The following RETREG1 variants were observed in gnomAD, a reference collection of about 807,000 sequenced individuals.
The protein encoded by RETREG1 is family with sequence similarity 134 member B.
RETREG1 carries 44 observed loss-of-function variants against 54.8 expected under a neutral mutation model. That is an observed-to-expected ratio of 0.80 (90% confidence interval 0.63 to 1.03). RETREG1 has a LOEUF of 1.03. Among genes scored for constraint, RETREG1 ranks in the 50% least tolerant of loss-of-function variants. The pLI is 0.00. For synonymous variants in RETREG1, 217 were observed against 238.5 expected (o/e 0.91, Z 0.83); for missense variants, 554 against 605.1 (o/e 0.92, Z 0.89).
At chr5:16,511,494 A>G (rs1257001802) in intron 3 of RETREG1, among the ~76,000 whole-genome samples, 1 of 152,208 alleles carries the variant, frequency 6.6e-6, no homozygotes, top group Non-Finnish European at 1.5e-5. Context: ...TTCTCAGGCT[A>G]TAACCCCACA....
At position 16,483,331 on chromosome 5, in the gene RETREG1, T is replaced by C. The variant is rs768415310; in HGVS notation, c.585+15A>G. On this transcript the variant is annotated intron_variant, in intron 4 of 8. Coordinates refer to ENST00000306320, the MANE Select transcript of RETREG1 (RefSeq NM_001034850.3). ...CTGAACATTTTAAAACATACTCCTT[T>C]ACTGGAAAACTTGCCTTGCCAGGGC... 11 of 1,612,854 alleles carry C rather than the reference T, an allele frequency of 6.8e-6. No individual in the cohort carries two copies. The highest frequency in any genetic ancestry group is 1.7e-5 in the Admixed American group (1 of 60,002).
rs764004004 is a variant in RETREG1 at position 16,616,681 on chromosome 5, G to A, written c.291C>T (p.Leu97=). The change falls in exon 1 of 9, where the codon CTC becomes CTT. Residue 97 remains leucine (L), a synonymous_variant. Coordinates refer to ENST00000306320, the MANE Select transcript of RETREG1 (RefSeq NM_001034850.3). The stretch of plus-strand genomic sequence containing the variant: ...ACAGCAGGTTGGCAGCGACGAAGCC[G>A]AGCAGGCTCCGCAGCGGCCTCTTCC... ...LSWKRPLRSL[L]GFVAANLLFW... 2.0e-5 allele frequency: 32 copies of A among 1,596,300 alleles called. No individual in the cohort carries two copies. The highest frequency in any genetic ancestry group is 1.8e-4 in the South Asian group (16 of 89,862).
At position 16,538,691 on chromosome 5, in the gene RETREG1, C is replaced by A. The variant is rs1741148770; in HGVS notation, c.458+27072G>T. Among the ~76,000 whole-genome samples the A allele has an allele frequency of 3.3e-5, 5 of 151,422 alleles. No individual in the cohort carries two copies. In the South Asian group the frequency reaches 1.0e-3, roughly 32 times the overall value. On this transcript the variant is annotated intron_variant, in intron 3 of 8. Coordinates refer to ENST00000306320, the MANE Select transcript of RETREG1 (RefSeq NM_001034850.3). Reference sequence around the variant, plus strand: ...ACCTTAGCATCAAGAAGAACAAATACATTCTTTCATTCTTTTTTTTTTTTT... The same window carrying A: ...ACCTTAGCATCAAGAAGAACAAATAAATTCTTTCATTCTTTTTTTTTTTTT...
intron 1 of RETREG1, among the ~76,000 whole-genome samples, chr5:16,604,609 G>T (rs1447897632): frequency 2.0e-5 from 3 of 152,120 alleles, no homozygotes; most frequent in Admixed American, 6.5e-5. Flanking sequence ...TCATCTTTCA[G>T]GTGAAAGGTC....
intron 3 of RETREG1, among the ~76,000 whole-genome samples, chr5:16,528,516 T>C (rs1373789148): frequency 6.6e-6 from 1 of 152,138 alleles, no homozygotes; most frequent in East Asian, 1.9e-4. Flanking sequence ...GAGGCCAGTC[T>C]CTTCAGGAGC....
chr5:16,485,733 T>C (rs1262168241), intron 3 of RETREG1, among the ~76,000 whole-genome samples: 2 of 152,202 alleles, frequency 1.3e-5, no homozygotes, highest in African/African-American at 4.8e-5. Context: ...AAAAACTCTC[T>C]TTAGCATTTA....
chr5:16,573,180 CAAAAAAAAAA>C (rs11303408), intron 1 of RETREG1, among the ~76,000 whole-genome samples: 495 of 45,140 alleles, frequency 0.011, 5 homozygotes, highest in African/African-American at 0.034. Flanking sequence ...GATTCTGTCT[CAAAAAAAAAA>C]AAAAAAAAAA....
intron 3 of RETREG1, among the ~76,000 whole-genome samples, chr5:16,531,381 G>C (rs1189369506): frequency 6.6e-6 from 1 of 152,130 alleles, no homozygotes; most frequent in Non-Finnish European, 1.5e-5. Context: ...TGAAATGACC[G>C]ATGCATTTAA....
chr5:16,518,126 G>A (rs1365880270), intron 3 of RETREG1, among the ~76,000 whole-genome samples: 1 of 146,818 alleles, frequency 6.8e-6, no homozygotes, highest in Non-Finnish European at 1.5e-5. Context: ...ACATATAATT[G>A]TATATATTTA....
chr5:16,534,103 A>T (rs535379435), intron 3 of RETREG1, among the ~76,000 whole-genome samples: 1 of 152,082 alleles, frequency 6.6e-6, no homozygotes, highest in Non-Finnish European at 1.5e-5. Flanking sequence ...AACCAAAAAA[A>T]AAAAACACAT....
intron 3 of RETREG1, 136 bp from the exon 4 acceptor site, chr5:16,483,608 C>T (rs1018010431): frequency 2.4e-6 from 2 of 834,492 alleles, no homozygotes; most frequent in East Asian, 5.2e-5. Context: ...CAGAAGGGAA[C>T]TATCCAGACA....
In RETREG1 at chr5:16,594,586, G is replaced by A. The variant is rs1364947856; in HGVS notation, c.320+22066C>T. The stretch of plus-strand genomic sequence containing the variant: ...CTAAAAATACAAAAATTAGCTGGGC[G>A]TGGTGGCGCATGTCTGTAGTCCCAG... On this transcript the variant is annotated intron_variant, in intron 1 of 8. Transcript: ENST00000306320. The surrounding 1 kb of genome is among the most constrained non-coding windows in gnomAD (Gnocchi z 4.4). Among the ~76,000 whole-genome samples the A allele has an allele frequency of 2.0e-5, 3 of 152,168 alleles. No homozygotes were observed. Among genetic ancestry groups the A allele is most frequent in the South Asian group, 2.1e-4 (1 of 4,818 alleles).
intron 3 of RETREG1, among the ~76,000 whole-genome samples, chr5:16,497,307 G>A (rs542705750): frequency 1.4e-4 from 21 of 152,278 alleles, no homozygotes; most frequent in African/African-American, 5.1e-4. Flanking sequence ...TCTTCCAGAT[G>A]AAACAAGTTC....
At chr5:16,516,825 G>A (rs1740372257) in intron 3 of RETREG1, among the ~76,000 whole-genome samples, 1 of 152,128 alleles carries the variant, frequency 6.6e-6, no homozygotes, top group African/African-American at 2.4e-5. Flanking sequence ...AAGAGGCCAG[G>A]TGCAGTGGCT....
chr5:16,517,343 T>C (rs1740394160), intron 3 of RETREG1, among the ~76,000 whole-genome samples: 1 of 152,210 alleles, frequency 6.6e-6, no homozygotes, highest in Non-Finnish European at 1.5e-5. Flanking sequence ...GTTATCTGAA[T>C]CCCCCACCTC....
At chr5:16,599,410 T>C (rs1345090244) in intron 1 of RETREG1, among the ~76,000 whole-genome samples, 1 of 152,180 alleles carries the variant, frequency 6.6e-6, no homozygotes, top group African/African-American at 2.4e-5. Context: ...TTAAAATCTA[T>C]AAAGTGCTGC....
Position 16,616,774 on chromosome 5 carries a change from G to A in RETREG1, c.198C>T (p.Ala66=), listed in dbSNP as rs1394300221. Reference sequence around the variant, plus strand: ...GCTCCCCGAGCAGCCAGGTTACCGCGGCCGCCGCCCGGCCCGCGGCCTCCT... The same window carrying A: ...GCTCCCCGAGCAGCCAGGTTACCGCAGCCGCCGCCCGGCCCGCGGCCTCCT... ...QVEEAAGRAA[A]AVTWLLGEPV... The change falls in exon 1 of 9, where the codon GCC becomes GCT. Residue 66 remains alanine (A), a synonymous_variant. Coordinates refer to ENST00000306320, the MANE Select transcript of RETREG1 (RefSeq NM_001034850.3). 2 of 1,540,324 alleles carry A rather than the reference G, an allele frequency of 1.3e-6. No individual in the cohort carries two copies. The highest frequency in any genetic ancestry group is 1.7e-6 in the Non-Finnish European group (2 of 1,150,756).
intron 1 of RETREG1, among the ~76,000 whole-genome samples, chr5:16,592,634 GAC>G (rs1398945346): frequency 6.6e-6 from 1 of 151,980 alleles, no homozygotes; most frequent in African/African-American, 2.4e-5. Context: ...CAATAGCAAA[GAC>G]ACAGAATCAA....
chr5:16,537,326 C>T (rs1741102378), intron 3 of RETREG1, among the ~76,000 whole-genome samples: 1 of 152,206 alleles, frequency 6.6e-6, no homozygotes, highest in Non-Finnish European at 1.5e-5. Context: ...AGGCTCAGAG[C>T]CGACCCTGAG....
Sources: gnomAD v4.1 joint callset for allele counts (sites outside exome capture counted in the v4.1 genomes callset) on GRCh38, gnomAD v4.1.1 for gene constraint, Gnocchi (gnomAD v3.1) non-coding constraint, MANE v1.5 for transcripts, NCBI Gene and HGNC (gene_info 2026-07-23, HGNC 2026-07-21) for gene names.